The following MYCBP2 variants were observed in gnomAD, a reference collection of about 807,000 sequenced individuals.
MYCBP2 encodes MYC binding protein 2.
A neutral mutation model predicts 525.3 loss-of-function variants in MYCBP2; 120 were observed. The observed-to-expected ratio is 0.23, with a 90% CI of 0.20 to 0.27. The LOEUF is 0.27. Among genes scored for constraint, MYCBP2 ranks in the 10% least tolerant of loss-of-function variants. MYCBP2 has a pLI of 1.00. For missense variants in MYCBP2, 4,149 were observed against 5,657.1 expected (o/e 0.73, Z 8.55); for synonymous variants, 1,894 against 1,955.8 (o/e 0.97, Z 0.83).
At chr13:77,259,885 T>C (rs2072955311) in intron 13 of MYCBP2, among the ~76,000 whole-genome samples, 1 of 152,162 alleles carries the variant, frequency 6.6e-6, no homozygotes, top group South Asian at 2.1e-4. Context: ...TTTATAAATA[T>C]AAAACCATTT....
chr13:77,198,471 T>C (rs2062007037), intron 26 of MYCBP2, among the ~76,000 whole-genome samples: 1 of 152,180 alleles, frequency 6.6e-6, no homozygotes, highest in Non-Finnish European at 1.5e-5. Context: ...ACTAAGAAAA[T>C]ACCTCCTGAA....
rs2063962147 is a variant in MYCBP2, at chr13:77,211,196, A to G, written c.3387T>C (p.Cys1129=). 1 of 1,508,920 alleles carries G rather than the reference A, an allele frequency of 6.6e-7. No homozygotes were observed. Among genetic ancestry groups the G allele is most frequent in the African/African-American group, 1.4e-5 (1 of 70,716 alleles). The allele number at this position is 1,508,920 out of a possible 1,614,324, so 93.5% of individuals were successfully genotyped here. ...EQEDLQGFGV[C]LDPVYDVIWR... is the part of the protein sequence containing the mutation. ...AAATTACATCATATACAGGATCAAG[A>G]CACACACCAAATCCTTGCAGATCCT... Residue 1129 remains cysteine, a synonymous_variant, in exon 23 of 83, where the codon TGT becomes TGC. Transcript: ENST00000544440.
rs185355251 is a variant in MYCBP2, at chr13:77,237,560, G to A, written c.2630-4297C>T. Among the ~76,000 whole-genome samples, 665 of 152,010 alleles carry A rather than the reference G, an allele frequency of 4.4e-3. 2 individuals carry two copies. The highest frequency in any genetic ancestry group is 0.014 in the African/African-American group (568 of 41,496). Reference sequence around the variant, plus strand: ...TAAAACTTGATTAGAAGATGACAACGAAATAAAAACAATAATTGAATTAAG... The same window carrying A: ...TAAAACTTGATTAGAAGATGACAACAAAATAAAAACAATAATTGAATTAAG... On this transcript the variant is annotated intron_variant, in intron 17 of 82. Transcript: ENST00000544440.
intron 73 of MYCBP2, among the ~76,000 whole-genome samples, chr13:77,063,346 TCAGGGGGTTATGAC>T (rs541958798): frequency 6.6e-6 from 1 of 152,128 alleles, no homozygotes; most frequent in East Asian, 1.9e-4. Context: ...TCACCTGAGG[TCAGGGGGTTATGAC>T]CAGCCTGACT....
intron 45 of MYCBP2, 146 bp from the exon 46 acceptor site, chr13:77,156,348 T>C (rs2057213129): frequency 1.4e-6 from 1 of 712,722 alleles, no homozygotes; most frequent in Admixed American, 3.0e-5. Flanking sequence ...GTGATAATCA[T>C]GAGTGTCTCC....
intron 55 of MYCBP2, among the ~76,000 whole-genome samples, chr13:77,120,002 T>C (rs1165027121): frequency 2.6e-5 from 4 of 152,192 alleles, no homozygotes; most frequent in Admixed American, 2.0e-4. Context: ...CTCAAACATT[T>C]ATATTTATTT....
At chr13:77,197,369 A>T (rs2061862490) in intron 26 of MYCBP2, among the ~76,000 whole-genome samples, 1 of 152,224 alleles carries the variant, frequency 6.6e-6, no homozygotes, top group South Asian at 2.1e-4. Context: ...GAGGCCTATC[A>T]AGAAAAATGT....
intron 5 of MYCBP2, 67 bp from the exon 6 acceptor site, chr13:77,270,605 C>G: frequency 7.0e-7 from 1 of 1,426,338 alleles, no homozygotes; most frequent in Non-Finnish European, 9.5e-7. Flanking sequence ...AACAAAGATA[C>G]TTTGGTAATA....
chr13:77,285,811 A>G (rs2076672201), intron 3 of MYCBP2, among the ~76,000 whole-genome samples: 1 of 151,746 alleles, frequency 6.6e-6, no homozygotes, highest in African/African-American at 2.4e-5. Context: ...AGGGAAAGGC[A>G]AAGGAAAAGG....
At chr13:77,210,441 C>A (rs1338517497) in intron 23 of MYCBP2, among the ~76,000 whole-genome samples, 1 of 152,164 alleles carries the variant, frequency 6.6e-6, no homozygotes, top group Non-Finnish European at 1.5e-5. Flanking sequence ...ATCTGCCCGC[C>A]TTGGCCTCCC....
rs774108022 is a variant in MYCBP2, at chr13:77,180,184, G to A, written c.5076C>T (p.Thr1692=). The A allele has an allele frequency of 6.2e-7, 1 of 1,614,144 alleles. No homozygotes were observed. Among genetic ancestry groups the A allele is most frequent in the East Asian group, 2.2e-5 (1 of 44,884 alleles). The change falls in exon 34 of 83, where the codon ACC becomes ACT. Residue 1692 remains threonine (T), a synonymous_variant. Coordinates refer to ENST00000544440, the MANE Select transcript of MYCBP2 (RefSeq NM_015057.5). ...ELFSSHLVSN[T]CGLLASIVSE... is the part of the protein sequence containing the mutation. ...TGACAATGCTGGCCAGTAATCCACAGGTGTTAGAGACGAGGTGGGAGGAGA... is the reference window on the plus strand; with the variant it reads ...TGACAATGCTGGCCAGTAATCCACAAGTGTTAGAGACGAGGTGGGAGGAGA...
At chr13:77,187,478 G>A (rs2060836771) in intron 30 of MYCBP2, among the ~76,000 whole-genome samples, 1 of 152,182 alleles carries the variant, frequency 6.6e-6, no homozygotes, top group South Asian at 2.1e-4. Context: ...ATTTAAAGAT[G>A]TATGTGTATA....
At chr13:77,308,951 T>C (rs1878732063) in intron 1 of MYCBP2, among the ~76,000 whole-genome samples, 1 of 152,220 alleles carries the variant, frequency 6.6e-6, no homozygotes, top group South Asian at 2.1e-4. Context: ...TGAGTTGCCC[T>C]GCACACAGGC....
At chr13:77,299,758 G>C (rs777005506) in intron 1 of MYCBP2, among the ~76,000 whole-genome samples, 10 of 152,102 alleles carry the variant, frequency 6.6e-5, no homozygotes, top group Non-Finnish European at 1.2e-4. Flanking sequence ...AGAATGTCTG[G>C]AATTGGTCCT....
chr13:77,095,560 G>A lies in MYCBP2; in HGVS notation c.9997C>T (p.Arg3333Cys), dbSNP rs2046110974. 10 of 1,613,490 alleles carry A rather than the reference G, an allele frequency of 6.2e-6. No individual in the cohort carries two copies. Among genetic ancestry groups the A allele is most frequent in the Non-Finnish European group, 8.5e-6 (10 of 1,179,640 alleles). ...RRKPMQVKTP[R>C]ALPTMEAHQV... ...TGAGCTTCCATGGTGGGCAAGGCAC[G>A]AGGGGTCTTGACTTGCATTGGTTTT... Residue 3333 changes from arginine to cysteine, a missense_variant, in exon 58 of 83, where the codon CGT becomes TGT. Transcript: ENST00000544440.
At position 77,278,923 on chromosome 13, in the gene MYCBP2, G is replaced by T; in HGVS notation, c.595-12C>A. 6.5e-7 allele frequency: 1 copy of T among 1,537,756 alleles called. No homozygotes were observed. The highest frequency in any genetic ancestry group is 8.7e-7 in the Non-Finnish European group (1 of 1,144,560). On this transcript the variant is annotated splice_polypyrimidine_tract_variant and intron_variant, in intron 3 of 82. Coordinates refer to ENST00000544440, the MANE Select transcript of MYCBP2 (RefSeq NM_015057.5). ...CCAACCTCAATAATCTATTTAAAAG[G>T]AAAAAATATATATACTTTATGACAT...
At position 77,087,468 on chromosome 13, in the gene MYCBP2, CAA is replaced by C. The variant is rs763482588; in HGVS notation, c.10875+14_10875+15del. Reference sequence around the variant, plus strand: ...TCTATAAAAATATGCACAATCAAAACAAAAATTTCATTTACTTGTTCTGAATT... The same window carrying C: ...TCTATAAAAATATGCACAATCAAAACAAATTTCATTTACTTGTTCTGAATT... On this transcript the variant is annotated intron_variant, in intron 62 of 82. Coordinates refer to ENST00000544440, the MANE Select transcript of MYCBP2 (RefSeq NM_015057.5). 1.3e-6 allele frequency: 2 copies of C among 1,593,904 alleles called. No homozygotes were observed. The highest frequency in any genetic ancestry group is 4.5e-5 in the East Asian group (2 of 44,046).
At chr13:77,260,118 G>A (rs1039671735) in intron 13 of MYCBP2, among the ~76,000 whole-genome samples, 2 of 152,156 alleles carry the variant, frequency 1.3e-5, no homozygotes, top group Non-Finnish European at 2.9e-5. Flanking sequence ...ACTTCTTCAG[G>A]ATACTACCAC....
chr13:77,087,859 C>T, intron 61 of MYCBP2: 1 of 345,444 alleles, frequency 2.9e-6, no homozygotes. Context: ...TGGCTCACTG[C>T]AGCCTCAAGC....
Sources: gnomAD v4.1 joint callset for allele counts (sites outside exome capture counted in the v4.1 genomes callset) on GRCh38, gnomAD v4.1.1 for gene constraint, MANE v1.5 for transcripts, NCBI Gene and HGNC (gene_info 2026-07-23, HGNC 2026-07-21) for gene names.